Variants in NF1 observed in about 807,000 individuals in gnomAD.
NF1 encodes neurofibromin.
In NF1, 122 loss-of-function variants were observed where a neutral mutation model predicts 325.7. That is an observed-to-expected ratio of 0.37 (90% confidence interval 0.32 to 0.44). NF1 has a LOEUF of 0.44. NF1 is among the 20% of genes least tolerant of loss of function. NF1 has a pLI of 1.00. For synonymous variants in NF1, 1,091 were observed against 1,186.0 expected (o/e 0.92, Z 1.65); for missense variants, 2,140 against 3,415.4 (o/e 0.63, Z 9.31).
intron 36 of NF1, among the ~76,000 whole-genome samples, chr17:31,324,522 A>G (rs2069293571): frequency 1.3e-5 from 2 of 152,312 alleles, no homozygotes; most frequent in South Asian, 4.1e-4. Context: ...TGAATAGTAG[A>G]ACTTGTTCCT....
intron 1 of NF1, among the ~76,000 whole-genome samples, chr17:31,110,815 C>T (rs1310191243): frequency 6.6e-6 from 1 of 151,980 alleles, no homozygotes; most frequent in Non-Finnish European, 1.5e-5. Context: ...TGCTTAAGGT[C>T]TTTATTTGTA....
intron 57 of NF1, chr17:31,367,306 C>T (rs1410678848): frequency 2.3e-5 from 29 of 1,278,592 alleles, no homozygotes; most frequent in African/African-American, 4.6e-5. Flanking sequence ...CATCTTTGCA[C>T]GAAAATACTG....
At chr17:31,260,639 A>G in intron 34 of NF1, 124 bp downstream of exon 34, 1 of 1,212,314 alleles carries the variant, frequency 8.2e-7, no homozygotes, top group Non-Finnish European at 1.2e-6. Context: ...TGGTTTAGAA[A>G]GAGAAAGATT....
intron 12 of NF1, among the ~76,000 whole-genome samples, chr17:31,208,910 A>G (rs2066672375): frequency 6.6e-6 from 1 of 152,086 alleles, no homozygotes; most frequent in East Asian, 1.9e-4. Context: ...AATCAAACAA[A>G]AAAACTCACT....
intron 34 of NF1, among the ~76,000 whole-genome samples, chr17:31,261,419 T>TTG (rs1246714023): frequency 2.4e-4 from 37 of 152,274 alleles, no homozygotes; most frequent in African/African-American, 3.1e-4. Flanking sequence ...AAAGGAAGAA[T>TTG]GAGTCCAAAT....
At chr17:31,370,567 T>A (rs1448200249) in intron 57 of NF1, among the ~76,000 whole-genome samples, 1 of 152,208 alleles carries the variant, frequency 6.6e-6, no homozygotes, top group Non-Finnish European at 1.5e-5. Context: ...GAAAGTGGAA[T>A]GTTCTTAGCA....
intron 57 of NF1, among the ~76,000 whole-genome samples, chr17:31,364,185 C>G (rs2070463833): frequency 6.6e-6 from 1 of 152,144 alleles, no homozygotes; most frequent in Non-Finnish European, 1.5e-5. Flanking sequence ...TCCCAGCAGC[C>G]AAGTCTCAAG....
intron 50 of NF1, among the ~76,000 whole-genome samples, chr17:31,351,258 T>C (rs1037721028): frequency 7.9e-5 from 12 of 152,224 alleles, no homozygotes; most frequent in African/African-American, 2.9e-4. Flanking sequence ...CAAGGTCTTT[T>C]ATCAACATAA....
rs2151429038 is a variant in NF1, at chr17:31,229,137, C to T, written c.2522C>T (p.Thr841Ile). 1 of 1,611,912 alleles carries T rather than the reference C, an allele frequency of 6.2e-7. No individual in the cohort carries two copies. Among genetic ancestry groups the T allele is most frequent in the Non-Finnish European group, 8.5e-7 (1 of 1,179,802 alleles). ...TCCCTACAGGAATGGATCAACATGA[C>T]TGGCTTCCTTTGTGCCCTTGGGGGA... ...TDSLQEWINM[T>I]GFLCALGGVC... The change falls in exon 21 of 58, where the codon ACT becomes ATT. Residue 841 changes from threonine (T) to isoleucine (I), a missense_variant. Physicochemically the swap from Thr to Ile is moderately conservative, Grantham distance 89. This residue lies in a region of NF1 where 380 missense variants were observed against 639.3 expected (regional missense o/e 0.59). Coordinates refer to ENST00000358273, the MANE Select transcript of NF1 (RefSeq NM_001042492.3).
At chr17:31,209,063 T>C (rs1247512497) in intron 12 of NF1, among the ~76,000 whole-genome samples, 4 of 152,198 alleles carry the variant, frequency 2.6e-5, no homozygotes, top group Non-Finnish European at 1.5e-5. Context: ...GTACTGCGCA[T>C]TGTGGGATAT....
intron 8 of NF1, among the ~76,000 whole-genome samples, chr17:31,191,028 A>G (rs2066333397): frequency 6.6e-6 from 1 of 152,210 alleles, no homozygotes; most frequent in Non-Finnish European, 1.5e-5. Context: ...CACCTTAAAT[A>G]TATACAATTT....
chr17:31,310,924 G>A (rs879276238), intron 36 of NF1, among the ~76,000 whole-genome samples: 4 of 150,752 alleles, frequency 2.7e-5, no homozygotes, highest in Non-Finnish European at 4.4e-5. Flanking sequence ...AGGAGTCCCC[G>A]TGTATAAGAC....
intron 51 of NF1, among the ~76,000 whole-genome samples, chr17:31,354,939 GT>G (rs1235411803): frequency 7.2e-5 from 11 of 152,182 alleles, no homozygotes; most frequent in Non-Finnish European, 1.5e-4. Flanking sequence ...GAAGCTTTTA[GT>G]TTTAAAAACT....
intron 4 of NF1, among the ~76,000 whole-genome samples, chr17:31,169,054 A>C (rs201962478): frequency 6.6e-6 from 1 of 152,066 alleles, no homozygotes; most frequent in Non-Finnish European, 1.5e-5. Flanking sequence ...TTACCCATGA[A>C]GTTTTTTCTT....
chr17:31,136,825 GA>G (rs1204043597), intron 1 of NF1: 1 of 151,990 alleles, frequency 6.6e-6, no homozygotes, highest in South Asian at 2.1e-4. Flanking sequence ...GTATGTGTAG[GA>G]AAAAAACATA....
intron 31 of NF1, among the ~76,000 whole-genome samples, 193 bp from the exon 32 acceptor site, chr17:31,258,151 T>C (rs1051290141): frequency 4.6e-5 from 7 of 152,202 alleles, no homozygotes; most frequent in African/African-American, 1.7e-4. Context: ...TGTACTTTAA[T>C]ATGATATAAG....
chr17:31,319,770 A>C (rs537417907), intron 36 of NF1, among the ~76,000 whole-genome samples: 15 of 148,878 alleles, frequency 1.0e-4, no homozygotes, highest in East Asian at 2.0e-4. Context: ...AAAAAAAAAA[A>C]CAGCAAATTT....
intron 12 of NF1, among the ~76,000 whole-genome samples, 181 bp from the exon 13 acceptor site, chr17:31,214,270 T>C (rs2066780740): frequency 6.6e-6 from 1 of 152,172 alleles, no homozygotes; most frequent in African/African-American, 2.4e-5. Context: ...TTTCATTGTT[T>C]TGTTAAGCTT....
chr17:31,343,718 G>C (rs1328371231), intron 48 of NF1, among the ~76,000 whole-genome samples: 1 of 152,110 alleles, frequency 6.6e-6, no homozygotes. Flanking sequence ...CACTCTGGGA[G>C]GCCAAAGCAG....
Sources: allele counts gnomAD v4.1 joint callset (sites outside exome capture counted in the v4.1 genomes callset), GRCh38; gene constraint gnomAD v4.1.1; regional missense constraint gnomAD v4.1.1; transcripts MANE v1.5; gene names NCBI Gene and HGNC (gene_info 2026-07-23, HGNC 2026-07-21).